The following CACNA2D1 variants were observed in gnomAD, a reference collection of about 807,000 sequenced individuals.
The protein encoded by CACNA2D1 is voltage-dependent calcium channel subunit alpha-2/delta-1.
CACNA2D1 carries 53 observed loss-of-function variants against 171.5 expected under a neutral mutation model. That is an observed-to-expected ratio of 0.31 (90% confidence interval 0.25 to 0.39). The LOEUF (loss-of-function observed/expected upper bound fraction) is 0.39, where lower values mean the gene tolerates loss of function less well. Among genes scored for constraint, CACNA2D1 ranks in the 10% least tolerant of loss-of-function variants. The probability of loss-of-function intolerance (pLI) is 1.00; values close to 1 mark genes in which losing one functional copy is unlikely to be tolerated. For synonymous variants in CACNA2D1, 442 were observed against 443.1 expected (o/e 1.00, Z 0.03); for missense variants, 903 against 1,299.8 (o/e 0.69, Z 4.69).
intron 1 of CACNA2D1, among the ~76,000 whole-genome samples, chr7:82,363,300 C>G (rs573966116): frequency 9.6e-6 from 1 of 103,670 alleles, no homozygotes; most frequent in Admixed American, 1.5e-4. Flanking sequence ...GAGTCTCACT[C>G]TGTCACCCAG....
chr7:82,126,084 T>G (rs529816627), intron 5 of CACNA2D1, among the ~76,000 whole-genome samples: 1 of 152,370 alleles, frequency 6.6e-6, no homozygotes, highest in East Asian at 1.9e-4. Context: ...GTTAATCTAA[T>G]CTTTATAATA....
intron 1 of CACNA2D1, among the ~76,000 whole-genome samples, chr7:82,389,651 G>T (rs2129450431): frequency 6.6e-6 from 1 of 152,228 alleles, no homozygotes; most frequent in South Asian, 2.1e-4. Context: ...CTTACTTGAT[G>T]TATGACCATA....
At chr7:82,352,225 ATACT>A (rs1466301642) in intron 1 of CACNA2D1, among the ~76,000 whole-genome samples, 1 of 152,196 alleles carries the variant, frequency 6.6e-6, no homozygotes, top group Non-Finnish European at 1.5e-5. Flanking sequence ...GTTTTCTGAA[ATACT>A]TAGGCACTCT....
chr7:82,364,442 T>A (rs760535661), intron 1 of CACNA2D1, among the ~76,000 whole-genome samples: 1 of 152,166 alleles, frequency 6.6e-6, no homozygotes, highest in Non-Finnish European at 1.5e-5. Flanking sequence ...AGAGAAATGG[T>A]CAAAAAGTTT....
chr7:82,397,758 G>A (rs1177910076), intron 1 of CACNA2D1, among the ~76,000 whole-genome samples: 1 of 152,166 alleles, frequency 6.6e-6, no homozygotes, highest in Non-Finnish European at 1.5e-5. Flanking sequence ...TCGTTACCAT[G>A]CTCTGTGATA....
At chr7:82,345,061 C>G (rs1819092560) in intron 2 of CACNA2D1, among the ~76,000 whole-genome samples, 1 of 152,066 alleles carries the variant, frequency 6.6e-6, no homozygotes, top group African/African-American at 2.4e-5. Flanking sequence ...ATTAATTGTG[C>G]TCTGTTTTTG....
At chr7:82,078,806 C>T (rs1034113176) in intron 7 of CACNA2D1, among the ~76,000 whole-genome samples, 2 of 151,934 alleles carry the variant, frequency 1.3e-5, no homozygotes, top group Admixed American at 6.6e-5. Context: ...TACAAAGTGA[C>T]GGTGATGACA....
chr7:82,265,245 C>T (rs1419977422), intron 3 of CACNA2D1, among the ~76,000 whole-genome samples: 1 of 152,182 alleles, frequency 6.6e-6, no homozygotes, highest in Admixed American at 6.5e-5. Flanking sequence ...AGTTGAGCAT[C>T]TGCTCATTAG....
chr7:82,377,029 G>A (rs1823092791), intron 1 of CACNA2D1, among the ~76,000 whole-genome samples: 1 of 152,102 alleles, frequency 6.6e-6, no homozygotes, highest in Non-Finnish European at 1.5e-5. Context: ...AAGGATTATT[G>A]ATAGAAGCTT....
At chr7:82,412,826 A>AC (rs991861077) in intron 1 of CACNA2D1, among the ~76,000 whole-genome samples, 5 of 152,052 alleles carry the variant, frequency 3.3e-5, no homozygotes, top group African/African-American at 1.2e-4. Context: ...ATTTAGAGTG[A>AC]ACATTATACA....
At chr7:82,397,766 A>G (rs1825896958) in intron 1 of CACNA2D1, among the ~76,000 whole-genome samples, 1 of 152,226 alleles carries the variant, frequency 6.6e-6, no homozygotes, top group Non-Finnish European at 1.5e-5. Flanking sequence ...ATGCTCTGTG[A>G]TAGGCGCTGT....
chr7:82,138,417 A>T (rs1303592265), intron 4 of CACNA2D1, among the ~76,000 whole-genome samples: 3 of 148,922 alleles, frequency 2.0e-5, no homozygotes, highest in Non-Finnish European at 4.5e-5. Flanking sequence ...AACATTTCTT[A>T]TAGCATTAGT....
chr7:82,278,924 T>C (rs1051187949), intron 3 of CACNA2D1, among the ~76,000 whole-genome samples: 3 of 152,174 alleles, frequency 2.0e-5, no homozygotes, highest in Admixed American at 6.5e-5. Context: ...AACACATGAA[T>C]TGGTTCTCAG....
intron 4 of CACNA2D1, among the ~76,000 whole-genome samples, chr7:82,158,727 T>A (rs1040615305): frequency 1.1e-4 from 17 of 151,918 alleles, no homozygotes; most frequent in African/African-American, 3.6e-4. Context: ...GTTAAATAAT[T>A]GGCTGAAAGT....
intron 11 of CACNA2D1, among the ~76,000 whole-genome samples, chr7:82,033,901 T>G (rs1354641110): frequency 6.6e-6 from 1 of 152,138 alleles, no homozygotes; most frequent in African/African-American, 2.4e-5. Context: ...ATGCTCAGCT[T>G]CTTTGAAAAT....
intron 1 of CACNA2D1, among the ~76,000 whole-genome samples, chr7:82,440,638 A>G (rs1312647786): frequency 6.6e-6 from 1 of 151,856 alleles, no homozygotes; most frequent in African/African-American, 2.4e-5. Flanking sequence ...TGTCTGAAAA[A>G]CATCTATTTT....
At chr7:82,260,545 C>T (rs1202891578) in intron 3 of CACNA2D1, among the ~76,000 whole-genome samples, 1 of 152,204 alleles carries the variant, frequency 6.6e-6, no homozygotes, top group African/African-American at 2.4e-5. Context: ...ACTTTAAAGA[C>T]ATCAGCCTCT....
intron 1 of CACNA2D1, among the ~76,000 whole-genome samples, chr7:82,406,985 T>C (rs1291395907): frequency 1.3e-5 from 2 of 152,226 alleles, no homozygotes; most frequent in Admixed American, 1.3e-4. Context: ...ATATAAACAC[T>C]ATCATAACAA....
At chr7:82,440,159 C>A (rs1830385977) in intron 1 of CACNA2D1, among the ~76,000 whole-genome samples, 1 of 151,902 alleles carries the variant, frequency 6.6e-6, no homozygotes, top group South Asian at 2.1e-4. Context: ...TACCATTGTA[C>A]ACTTTATATT....
Sources: gnomAD v4.1 joint callset for allele counts (sites outside exome capture counted in the v4.1 genomes callset) on GRCh38, gnomAD v4.1.1 for gene constraint, MANE v1.5 for transcripts, NCBI Gene and HGNC (gene_info 2026-07-23, HGNC 2026-07-21) for gene names.